The following VRK2 variants were observed in gnomAD, a reference collection of about 807,000 sequenced individuals.
VRK2 encodes the protein VRK serine/threonine kinase 2.
Under a neutral mutation model 57.6 loss-of-function variants are expected in VRK2, and 60 were observed. The observed-to-expected ratio is 1.04, with a 90% CI of 0.85 to 1.29. The LOEUF (loss-of-function observed/expected upper bound fraction) is 1.29, where lower values mean the gene tolerates loss of function less well. VRK2 is among the 50% of genes most tolerant of loss of function. VRK2 has a pLI of 0.00. For missense variants in VRK2, 705 were observed against 588.1 expected, an observed-to-expected ratio of 1.20 and a Z score of -2.06; for synonymous variants, 231 against 199.2, an observed-to-expected ratio of 1.16 and a Z score of -1.35.
At chr2:57,943,586 A>G (rs1425444223) in intron 1 of VRK2, among the ~76,000 whole-genome samples, 5 of 152,228 alleles carry the variant, frequency 3.3e-5, no homozygotes, top group Non-Finnish European at 7.3e-5. Flanking sequence ...TAAGATGGAC[A>G]TAAGACTGGA....
At chr2:58,103,171 T>C (rs1002796199) in intron 7 of VRK2, among the ~76,000 whole-genome samples, 3 of 149,696 alleles carry the variant, frequency 2.0e-5, no homozygotes, top group African/African-American at 7.4e-5. Context: ...CTCAAAAAAA[T>C]AGAAAAACAA....
intron 8 of VRK2, among the ~76,000 whole-genome samples, chr2:58,126,665 A>G (rs182538728): frequency 2.3e-3 from 347 of 152,162 alleles, no homozygotes; most frequent in African/African-American, 8.1e-3. Flanking sequence ...TGTGTGACCT[A>G]CAGGTATTTT....
intron 1 of VRK2, among the ~76,000 whole-genome samples, chr2:57,935,429 C>T (rs1467285964): frequency 6.6e-6 from 1 of 152,060 alleles, no homozygotes; most frequent in Non-Finnish European, 1.5e-5. Flanking sequence ...GCTCTGAAAT[C>T]CTGAAGTTTT....
upstream of VRK2, chr2:57,907,637 C>T (rs1669867428): frequency 6.6e-6 from 1 of 152,266 alleles, no homozygotes; most frequent in African/African-American, 2.4e-5. Flanking sequence ...ACATCCTAAA[C>T]TCCCTCCAAC....
At chr2:58,158,358 C>G (rs1054658756) in intron 12 of VRK2, among the ~76,000 whole-genome samples, 4 of 152,064 alleles carry the variant, frequency 2.6e-5, no homozygotes, top group African/African-American at 9.7e-5. Flanking sequence ...TCATTTAACT[C>G]TCAAGTAATT....
intron 1 of VRK2, among the ~76,000 whole-genome samples, chr2:57,926,844 GT>G (rs1422653355): frequency 6.6e-6 from 1 of 151,326 alleles, no homozygotes; most frequent in South Asian, 2.1e-4. Flanking sequence ...AGAGTGTTTA[GT>G]TTTTTTATAT....
intron 1 of VRK2, among the ~76,000 whole-genome samples, chr2:57,964,110 A>G (rs1006508219): frequency 2.0e-5 from 3 of 152,124 alleles, no homozygotes; most frequent in Non-Finnish European, 2.9e-5. Context: ...CTCTCCCCCA[A>G]CACAGCTGAA....
At chr2:57,958,264 A>C (rs1457919741) in intron 1 of VRK2, among the ~76,000 whole-genome samples, 1 of 152,200 alleles carries the variant, frequency 6.6e-6, no homozygotes, top group African/African-American at 2.4e-5. Flanking sequence ...CTTAAAATAT[A>C]ATGAAACCTT....
At chr2:57,913,427 AT>A (rs932276682) in intron 1 of VRK2, among the ~76,000 whole-genome samples, 3 of 151,986 alleles carry the variant, frequency 2.0e-5, no homozygotes, top group African/African-American at 4.8e-5. Flanking sequence ...ATTATTAGCA[AT>A]TTTTTTTATT....
chr2:58,069,114 T>C (rs1413175818), intron 2 of VRK2, among the ~76,000 whole-genome samples: 1 of 152,196 alleles, frequency 6.6e-6, no homozygotes, highest in Non-Finnish European at 1.5e-5. Flanking sequence ...TTGAATATTA[T>C]GTTGTAAGAA....
chr2:57,933,297 T>C (rs184387066), intron 1 of VRK2, among the ~76,000 whole-genome samples: 3 of 135,978 alleles, frequency 2.2e-5, no homozygotes, highest in East Asian at 4.2e-4. Flanking sequence ...TATTTCTTAT[T>C]TCTTTCTTTT....
chr2:58,150,534 A>G lies in VRK2; in HGVS notation c.1182+4060A>G, dbSNP rs374096992. On this transcript the variant is annotated intron_variant, in intron 12 of 12. Transcript: ENST00000340157. ...GCTTATCATTTTCATTGATCTTCTC[A>G]AAGACCAGCTTTGGTTTTTTTTTTT... is the stretch of plus-strand genomic sequence containing the variant. 8.8e-5 allele frequency among the ~76,000 whole-genome samples: 13 copies of G among 147,170 alleles called. 1 individual carries two copies. The highest frequency in any genetic ancestry group is 3.3e-4 in the African/African-American group (13 of 39,556).
intron 1 of VRK2, among the ~76,000 whole-genome samples, chr2:57,969,968 G>A (rs1572919103): frequency 6.6e-6 from 1 of 151,510 alleles, no homozygotes; most frequent in East Asian, 1.9e-4. Context: ...TTTCCCCCCC[G>A]TAACCTATTT....
chr2:57,940,796 G>A (rs1317571643), intron 1 of VRK2, among the ~76,000 whole-genome samples: 1 of 151,810 alleles, frequency 6.6e-6, no homozygotes, highest in African/African-American at 2.4e-5. Flanking sequence ...AACAAATAAT[G>A]CTAACTAAAC....
intron 9 of VRK2, among the ~76,000 whole-genome samples, chr2:58,133,903 A>G (rs972691890): frequency 1.3e-5 from 2 of 152,216 alleles, no homozygotes; most frequent in Non-Finnish European, 2.9e-5. Context: ...CATGGTAAAT[A>G]TTACTACTTC....
intron 2 of VRK2, among the ~76,000 whole-genome samples, chr2:58,075,936 G>A (rs1670038719): frequency 7.0e-6 from 1 of 143,458 alleles, no homozygotes; most frequent in Non-Finnish European, 1.6e-5. Flanking sequence ...GATTTGCCTT[G>A]TAACCTCAGT....
At chr2:58,006,654 G>A (rs1673254458) in intron 1 of VRK2, among the ~76,000 whole-genome samples, 1 of 152,154 alleles carries the variant, frequency 6.6e-6, no homozygotes, top group Non-Finnish European at 1.5e-5. Context: ...CAAGGGCCAA[G>A]AGGCAGGATT....
At chr2:58,109,433 TG>T (rs1393097171) in intron 7 of VRK2, among the ~76,000 whole-genome samples, 2 of 149,298 alleles carry the variant, frequency 1.3e-5, no homozygotes, top group African/African-American at 2.5e-5. Flanking sequence ...CATACTGCTA[TG>T]AAAAAAAAAA....
At chr2:57,964,133 C>T (rs1169395877) in intron 1 of VRK2, among the ~76,000 whole-genome samples, 2 of 152,128 alleles carry the variant, frequency 1.3e-5, no homozygotes, top group Non-Finnish European at 2.9e-5. Context: ...TCCACATATA[C>T]CTTTTGACTC....
Sources: allele counts gnomAD v4.1 joint callset (sites outside exome capture counted in the v4.1 genomes callset), GRCh38; gene constraint gnomAD v4.1.1; transcripts MANE v1.5; gene names NCBI Gene and HGNC (gene_info 2026-07-23, HGNC 2026-07-21).